The following SETBP1 variants were observed in gnomAD, a reference collection of about 807,000 sequenced individuals.
The protein encoded by SETBP1 is SET-binding protein.
SETBP1 carries 9 observed loss-of-function variants against 101.0 expected under a neutral mutation model. The observed-to-expected ratio is 0.09, with a 90% CI of 0.05 to 0.16. The LOEUF is 0.16. Ranked by LOEUF, SETBP1 falls within the 10% of genes least tolerant of loss-of-function variation. The pLI is 1.00. For synonymous variants in SETBP1, 818 were observed against 788.5 expected, an observed-to-expected ratio of 1.04 and a Z score of -0.63; for missense variants, 1,858 against 2,033.8, an observed-to-expected ratio of 0.91 and a Z score of 1.66.
intron 2 of SETBP1, among the ~76,000 whole-genome samples, chr18:44,836,942 G>A (rs987679573): frequency 1.3e-5 from 2 of 152,060 alleles, no homozygotes; most frequent in African/African-American, 4.8e-5. Context: ...CTTTGCAACT[G>A]TATGGGGCCA....
chr18:44,979,567 G>A (rs2072066021), intron 4 of SETBP1, among the ~76,000 whole-genome samples: 1 of 152,126 alleles, frequency 6.6e-6, no homozygotes, highest in Admixed American at 6.5e-5. Flanking sequence ...TGGGATACAG[G>A]GGTAATGTAT....
intron 2 of SETBP1, among the ~76,000 whole-genome samples, chr18:44,718,926 A>C (rs180676950): frequency 8.0e-4 from 122 of 152,270 alleles, no homozygotes; most frequent in African/African-American, 2.7e-3. Context: ...AATTTGACTG[A>C]GTAATAGGGA....
chr18:44,827,958 T>C (rs917484130), intron 2 of SETBP1, among the ~76,000 whole-genome samples: 3 of 152,186 alleles, frequency 2.0e-5, no homozygotes, highest in South Asian at 2.1e-4. Context: ...GAACCTTTTA[T>C]TGATGATCTG....
At chr18:44,717,448 G>C (rs959957992) in intron 2 of SETBP1, among the ~76,000 whole-genome samples, 1 of 152,172 alleles carries the variant, frequency 6.6e-6, no homozygotes, top group Non-Finnish European at 1.5e-5. Context: ...ACAGATTTAG[G>C]ATGCTCAAGC....
At chr18:44,885,857 C>CAAAAAAAAAAAAAAAAAAAAAAA (rs1555696149) in intron 3 of SETBP1, among the ~76,000 whole-genome samples, 4 of 78,162 alleles carry the variant, frequency 5.1e-5, no homozygotes, top group Non-Finnish European at 9.5e-5. Flanking sequence ...AAAAAAAAAA[C>CAAAAAAAAAAAAAAAAAAAAAAA]AAAAAAAAAA....
chr18:44,757,745 G>A (rs2070532790), intron 2 of SETBP1, among the ~76,000 whole-genome samples: 1 of 152,104 alleles, frequency 6.6e-6, no homozygotes, highest in African/African-American at 2.4e-5. Context: ...TCACACCACC[G>A]AGATTTAATC....
intron 1 of SETBP1, among the ~76,000 whole-genome samples, chr18:44,696,410 C>T (rs78917553): frequency 6.6e-6 from 1 of 152,172 alleles, no homozygotes; most frequent in Admixed American, 6.5e-5. Flanking sequence ...TGGGTCCCAG[C>T]TCTGGAGCCC....
At chr18:45,028,123 T>G (rs1356849629) in intron 4 of SETBP1, among the ~76,000 whole-genome samples, 1 of 151,760 alleles carries the variant, frequency 6.6e-6, no homozygotes, top group Non-Finnish European at 1.5e-5. Flanking sequence ...AACTCGTCAT[T>G]TAGCATTAGG....
At chr18:44,856,671 G>A (rs903570765) in intron 2 of SETBP1, among the ~76,000 whole-genome samples, 7 of 152,184 alleles carry the variant, frequency 4.6e-5, no homozygotes, top group Non-Finnish European at 8.8e-5. Flanking sequence ...ATTTAAAGCA[G>A]CCCTATTGCA....
At chr18:44,682,783 C>T (rs991180930) in intron 1 of SETBP1, among the ~76,000 whole-genome samples, 1 of 152,140 alleles carries the variant, frequency 6.6e-6, no homozygotes, top group Non-Finnish European at 1.5e-5. Context: ...CACGATTTCT[C>T]CTCCCCCGTT....
chr18:44,760,761 G>A lies in SETBP1; in HGVS notation c.486+58929G>A, dbSNP rs77286391. On this transcript the variant is annotated intron_variant, in intron 2 of 5. Coordinates refer to ENST00000649279, the MANE Select transcript of SETBP1 (RefSeq NM_015559.3). Reference sequence around the variant, plus strand: ...GATGGGTATGGAAATAGAGGGAGGTGTATATACTGTTTTTTAACTCGCAGT... The same window carrying A: ...GATGGGTATGGAAATAGAGGGAGGTATATATACTGTTTTTTAACTCGCAGT... Among the ~76,000 whole-genome samples the A allele has an allele frequency of 9.4e-4, 143 of 152,278 alleles. 2 individuals are homozygous for A. The East Asian group carries it at 0.023, about 24-fold the overall frequency.
At chr18:44,690,786 G>A (rs1218106814) in intron 1 of SETBP1, among the ~76,000 whole-genome samples, 2 of 152,152 alleles carry the variant, frequency 1.3e-5, no homozygotes, top group African/African-American at 4.8e-5. Flanking sequence ...GATGAAAAAC[G>A]TAAATAAACT....
chr18:45,055,643 A>T (rs1234467106), intron 5 of SETBP1, among the ~76,000 whole-genome samples: 1 of 152,196 alleles, frequency 6.6e-6, no homozygotes, highest in Non-Finnish European at 1.5e-5. Flanking sequence ...AGGATAAAGA[A>T]TATTTCACAT....
intron 2 of SETBP1, among the ~76,000 whole-genome samples, chr18:44,768,577 T>A (rs1453363937): frequency 2.6e-5 from 4 of 152,242 alleles, no homozygotes; most frequent in Non-Finnish European, 4.4e-5. Flanking sequence ...GCTGAGGTTT[T>A]TTTCATATTC....
At chr18:44,692,414 C>G (rs992309313) in intron 1 of SETBP1, among the ~76,000 whole-genome samples, 59 of 152,156 alleles carry the variant, frequency 3.9e-4, no homozygotes, top group African/African-American at 1.1e-3. Flanking sequence ...AAATCTAAAC[C>G]TATGTCATCA....
At chr18:44,914,624 G>C (rs765790872) in intron 3 of SETBP1, among the ~76,000 whole-genome samples, 14 of 152,134 alleles carry the variant, frequency 9.2e-5, no homozygotes, top group Non-Finnish European at 1.6e-4. Context: ...AATGATGGTG[G>C]GAGGTGGTAG....
At chr18:44,726,259 C>A (rs1248862073) in intron 2 of SETBP1, among the ~76,000 whole-genome samples, 1 of 152,148 alleles carries the variant, frequency 6.6e-6, no homozygotes, top group Non-Finnish European at 1.5e-5. Context: ...GTTCTAGATA[C>A]ATAATACATT....
chr18:44,907,688 T>C (rs551212429), intron 3 of SETBP1, among the ~76,000 whole-genome samples: 1 of 152,326 alleles, frequency 6.6e-6, no homozygotes, highest in African/African-American at 2.4e-5. Flanking sequence ...CTTTGCCCAT[T>C]TTTCAACTGG....
intron 2 of SETBP1, among the ~76,000 whole-genome samples, chr18:44,746,026 A>G (rs2070237130): frequency 6.6e-6 from 1 of 152,132 alleles, no homozygotes; most frequent in Admixed American, 6.5e-5. Context: ...ATGTGGTCAA[A>G]TATGCAGGGT....
Sources: allele counts gnomAD v4.1 joint callset (sites outside exome capture counted in the v4.1 genomes callset), GRCh38; gene constraint gnomAD v4.1.1; transcripts MANE v1.5; gene names NCBI Gene and HGNC (gene_info 2026-07-23, HGNC 2026-07-21).